The following JAML variants were observed in gnomAD, a reference collection of about 807,000 sequenced individuals.
JAML encodes the protein junction adhesion molecule like.
A neutral mutation model predicts 39.3 loss-of-function variants in JAML; 25 were observed. The ratio of observed to expected loss-of-function variants is 0.64; its 90% CI spans 0.46 to 0.89. The LOEUF (loss-of-function observed/expected upper bound fraction) is 0.89, where lower values mean the gene tolerates loss of function less well. Ranked by LOEUF, JAML falls within the 40% of genes least tolerant of loss-of-function variation. The pLI, the probability that JAML is intolerant of heterozygous loss-of-function variation, is 0.00. For synonymous variants in JAML, 162 were observed against 179.2 expected (o/e 0.90, Z 0.77); for missense variants, 440 against 486.9 (o/e 0.90, Z 0.91).
chr11:118,219,422 G>C (rs1187439497), intron 1 of JAML, among the ~76,000 whole-genome samples: 1 of 152,166 alleles, frequency 6.6e-6, no homozygotes, highest in Non-Finnish European at 1.5e-5. Flanking sequence ...GAGGACCCAG[G>C]TGAGGAAGAA....
intron 2 of JAML, 132 bp downstream of exon 2, chr11:118,214,692 G>A (rs538460448): frequency 3.6e-4 from 337 of 924,224 alleles, no homozygotes; most frequent in Non-Finnish European, 4.9e-4. Flanking sequence ...CAACAAAACT[G>A]TGAAGTTCCA....
intron 4 of JAML, chr11:118,209,224 T>G (rs575410748): frequency 4.5e-6 from 1 of 219,896 alleles, no homozygotes; most frequent in East Asian, 1.5e-4. Flanking sequence ...AAAAACTTTC[T>G]AAATGACTCG....
intron 1 of JAML, among the ~76,000 whole-genome samples, chr11:118,219,029 C>T (rs1041188149): frequency 1.6e-4 from 24 of 152,164 alleles, no homozygotes; most frequent in Admixed American, 1.6e-3. Context: ...CTGGCAAATA[C>T]CTTCTGTCCT....
chr11:118,207,405 G>A (rs975814964), intron 4 of JAML, among the ~76,000 whole-genome samples: 1 of 152,136 alleles, frequency 6.6e-6, no homozygotes, highest in Non-Finnish European at 1.5e-5. Context: ...CAACATTTAA[G>A]CCCAGGTCTG....
intron 1 of JAML, among the ~76,000 whole-genome samples, chr11:118,219,516 G>T (rs1413029238): frequency 1.3e-5 from 2 of 152,182 alleles, no homozygotes; most frequent in African/African-American, 4.8e-5. Context: ...TTCTTTCACA[G>T]GTAGCCCCCT....
chr11:118,215,514 ATTT>A (rs536537334), intron 1 of JAML, among the ~76,000 whole-genome samples: 4 of 144,704 alleles, frequency 2.8e-5, no homozygotes, highest in African/African-American at 1.0e-4. Context: ...CACACTTGCT[ATTT>A]TTTTTTTTTA....
chr11:118,218,105 T>A (rs1949167845), intron 1 of JAML, among the ~76,000 whole-genome samples: 1 of 152,124 alleles, frequency 6.6e-6, no homozygotes, highest in Admixed American at 6.5e-5. Context: ...TCTTTTTTTT[T>A]ATTTTGAGAT....
At chr11:118,198,711 A>G (rs568513225) in intron 7 of JAML, among the ~76,000 whole-genome samples, 5 of 152,182 alleles carry the variant, frequency 3.3e-5, no homozygotes, top group Admixed American at 3.3e-4. Context: ...TTAAGCTAGA[A>G]AAGAAACCAT....
chr11:118,198,580 C>T (rs553774516), intron 7 of JAML, among the ~76,000 whole-genome samples: 47 of 151,832 alleles, frequency 3.1e-4, no homozygotes, highest in Non-Finnish European at 5.7e-4. Flanking sequence ...AGGAGCTCTG[C>T]GCCTGCCCTG....
intron 5 of JAML, 62 bp from the exon 6 acceptor site, chr11:118,203,727 A>G (rs1395394367): frequency 5.0e-6 from 7 of 1,404,118 alleles, no homozygotes; most frequent in African/African-American, 2.8e-5. Context: ...GGAGCAGAGA[A>G]AATGGGGGAG....
intron 1 of JAML, among the ~76,000 whole-genome samples, chr11:118,223,090 G>C (rs1949226076): frequency 1.4e-5 from 1 of 71,892 alleles, no homozygotes; most frequent in Admixed American, 1.9e-4. Flanking sequence ...GTGAGACTCT[G>C]TCTCAAAAAA....
At chr11:118,199,321 G>A (rs571020496) in intron 7 of JAML, among the ~76,000 whole-genome samples, 2 of 152,182 alleles carry the variant, frequency 1.3e-5, no homozygotes, top group Non-Finnish European at 2.9e-5. Flanking sequence ...CTAGCTCAGT[G>A]CTCCGAGCAT....
At chr11:118,212,623 A>G in intron 2 of JAML, 62 bp from the exon 3 acceptor site, 1 of 1,582,308 alleles carries the variant, frequency 6.3e-7, no homozygotes, top group South Asian at 1.1e-5. Flanking sequence ...AACAAAAATC[A>G]ATTCCAATCA....
At chr11:118,196,212 A>G (rs114022015) in intron 9 of JAML, among the ~76,000 whole-genome samples, 3,363 of 145,560 alleles carry the variant, frequency 0.023, 136 homozygotes, top group African/African-American at 0.081. Flanking sequence ...CATGTAACCA[A>G]CGCCTTCCAG....
intron 2 of JAML, chr11:118,213,056 G>A (rs982788055): frequency 6.3e-7 from 1 of 1,583,572 alleles, no homozygotes; most frequent in South Asian, 1.2e-5. Context: ...TGGCTGTAGG[G>A]CAGGTCCTTG....
At chr11:118,212,887 A>G in intron 2 of JAML, 1 of 1,614,242 alleles carries the variant, frequency 6.2e-7, no homozygotes, top group Non-Finnish European at 8.5e-7. Flanking sequence ...CTTTCTGATC[A>G]TCAATTTAGA....
At chr11:118,208,380 C>T (rs1591472385) in intron 4 of JAML, among the ~76,000 whole-genome samples, 1 of 152,220 alleles carries the variant, frequency 6.6e-6, no homozygotes, top group Non-Finnish European at 1.5e-5. Context: ...AGGCCACCTA[C>T]TACAACTCCA....
intron 6 of JAML, 185 bp from the exon 7 acceptor site, chr11:118,200,797 G>T: frequency 1.7e-6 from 1 of 576,052 alleles, no homozygotes; most frequent in Non-Finnish European, 3.0e-6. Flanking sequence ...TAACCCCCTC[G>T]TTTACCCTAA....
At position 118,194,128 on chromosome 11, in the gene JAML, C is replaced by T. The variant is rs1232623203; in HGVS notation, c.*197G>A. 3.6e-6 allele frequency: 2 copies of T among 549,976 alleles called. No homozygotes were observed. Among genetic ancestry groups the T allele is most frequent in the Non-Finnish European group, 6.6e-6 (2 of 302,982 alleles). 34.1% of individuals were successfully genotyped at this position (549,976 alleles called of 1,614,324 possible). A position where few individuals can be genotyped will look rare whatever the true frequency, so the allele number is the denominator to read the frequency against. ...GAGGCCAAGTCCATGCTCCCCTCCC[C>T]TCAGCAGGCCTGTTCCTCCAGAGCT... On this transcript the variant is annotated 3_prime_UTR_variant, in exon 10 of 10. Transcript: ENST00000356289.
Sources: gnomAD v4.1 joint callset for allele counts (sites outside exome capture counted in the v4.1 genomes callset) on GRCh38, gnomAD v4.1.1 for gene constraint, MANE v1.5 for transcripts, NCBI Gene and HGNC (gene_info 2026-07-23, HGNC 2026-07-21) for gene names.